DOCK1: variants seen among roughly 807,000 people sequenced by gnomAD.
The protein encoded by DOCK1 is dedicator of cytokinesis 1.
Under a neutral mutation model 262.7 loss-of-function variants are expected in DOCK1, and 138 were observed. The ratio of observed to expected loss-of-function variants is 0.53; its 90% CI spans 0.46 to 0.61. The LOEUF is 0.61. Ranked by LOEUF, DOCK1 falls within the 20% of genes least tolerant of loss-of-function variation. The pLI, the probability that DOCK1 is intolerant of heterozygous loss-of-function variation, is 0.00. For synonymous variants in DOCK1, 866 were observed against 867.4 expected, an observed-to-expected ratio of 1.00 and a Z score of 0.03; for missense variants, 1,908 against 2,370.7, an observed-to-expected ratio of 0.80 and a Z score of 4.05.
intron 24 of DOCK1, among the ~76,000 whole-genome samples, chr10:127,108,536 G>A (rs2048676515): frequency 6.6e-6 from 1 of 152,140 alleles, no homozygotes; most frequent in Non-Finnish European, 1.5e-5. Flanking sequence ...CAGTGAGCCT[G>A]GATCGCGGCA....
At chr10:127,398,325 C>T (rs1212081769) in intron 38 of DOCK1, among the ~76,000 whole-genome samples, 2 of 152,218 alleles carry the variant, frequency 1.3e-5, no homozygotes, top group Non-Finnish European at 2.9e-5. Context: ...CCATTCCTTG[C>T]AGCGTAGTTG....
At chr10:127,288,785 A>G (rs1032011847) in intron 29 of DOCK1, among the ~76,000 whole-genome samples, 16 of 150,092 alleles carry the variant, frequency 1.1e-4, no homozygotes, top group African/African-American at 3.9e-4. Flanking sequence ...ACACACACAC[A>G]CACACACACA....
At chr10:127,236,966 T>A (rs2134640782) in intron 27 of DOCK1, among the ~76,000 whole-genome samples, 1 of 152,338 alleles carries the variant, frequency 6.6e-6, no homozygotes, top group African/African-American at 2.4e-5. Flanking sequence ...AACGTACCCT[T>A]GGTCAAGTGA....
At chr10:127,210,495 A>G (rs1193379051) in intron 27 of DOCK1, among the ~76,000 whole-genome samples, 1 of 152,240 alleles carries the variant, frequency 6.6e-6, no homozygotes, top group African/African-American at 2.4e-5. Flanking sequence ...TCTCAGGCTG[A>G]GCCCGGGAAA....
chr10:127,058,015 A>G (rs1181244242), intron 22 of DOCK1, among the ~76,000 whole-genome samples: 2 of 152,110 alleles, frequency 1.3e-5, no homozygotes, highest in Non-Finnish European at 2.9e-5. Flanking sequence ...TTCAGGGTGG[A>G]TCAAAAAAGT....
intron 21 of DOCK1, among the ~76,000 whole-genome samples, chr10:127,050,725 TA>T (rs2044668879): frequency 6.6e-6 from 1 of 151,948 alleles, no homozygotes; most frequent in Admixed American, 6.6e-5. Flanking sequence ...AAAAAAGTTT[TA>T]TGCCCATTTA....
chr10:127,094,803 A>G (rs1443616313), intron 23 of DOCK1, among the ~76,000 whole-genome samples: 3 of 152,130 alleles, frequency 2.0e-5, no homozygotes, highest in African/African-American at 2.4e-5. Context: ...GACCCTTAAG[A>G]TACTGTGGAA....
intron 27 of DOCK1, among the ~76,000 whole-genome samples, chr10:127,226,690 G>A (rs2058654380): frequency 6.6e-6 from 1 of 152,168 alleles, no homozygotes; most frequent in South Asian, 2.1e-4. Context: ...GCTGCAGTGA[G>A]CCAAGATCGT....
chr10:127,105,966 T>C (rs1378224566), intron 23 of DOCK1, among the ~76,000 whole-genome samples: 1 of 152,104 alleles, frequency 6.6e-6, no homozygotes, highest in Admixed American at 6.6e-5. Flanking sequence ...AATTTCGCCA[T>C]GTTACCCAGG....
At chr10:127,308,667 T>C (rs1002406322) in intron 29 of DOCK1, among the ~76,000 whole-genome samples, 1 of 152,198 alleles carries the variant, frequency 6.6e-6, no homozygotes, top group Non-Finnish European at 1.5e-5. Context: ...CTCCCACTTA[T>C]GAGTGAGAAC....
chr10:127,143,393 C>T (rs1438191631), intron 27 of DOCK1, among the ~76,000 whole-genome samples: 3 of 152,198 alleles, frequency 2.0e-5, no homozygotes, highest in African/African-American at 4.8e-5. Context: ...CCAGTGCTAA[C>T]CGTGGCTCTG....
intron 33 of DOCK1, among the ~76,000 whole-genome samples, chr10:127,364,556 G>T (rs1419256060): frequency 6.6e-6 from 1 of 152,094 alleles, no homozygotes; most frequent in African/African-American, 2.4e-5. Context: ...AGTAGAGACG[G>T]TGTTTCACCA....
intron 3 of DOCK1, 126 bp from the exon 4 acceptor site, chr10:126,981,787 ATATGT>A: frequency 1.3e-6 from 1 of 797,880 alleles, no homozygotes; most frequent in Admixed American, 2.9e-5. Context: ...GTTTTCTTTG[ATATGT>A]TAAGACTTAA....
intron 47 of DOCK1, among the ~76,000 whole-genome samples, chr10:127,430,542 G>A (rs988273603): frequency 1.3e-5 from 2 of 152,076 alleles, no homozygotes; most frequent in East Asian, 1.9e-4. Context: ...TCTGAGGGCC[G>A]GCCAAGGTTC....
At position 127,153,795 on chromosome 10, in the gene DOCK1, G is replaced by T. The variant is rs892861908; in HGVS notation, c.2847+26031G>T. On this transcript the variant is annotated intron_variant, in intron 27 of 51. Coordinates refer to ENST00000623213, the MANE Select transcript of DOCK1 (RefSeq NM_001290223.2). ...CCCCAGATCGTTCTTGCATTTGTGG[G>T]TAAACATCATTTGTCACTCATAATA... The T allele has an allele frequency of 7.4e-6, 10 of 1,357,556 alleles. No homozygotes were observed. The South Asian group carries it at 1.1e-4, about 14-fold the overall frequency. 84.1% of individuals were successfully genotyped at this position (1,357,556 alleles called of 1,614,324 possible). A position where few individuals can be genotyped will look rare whatever the true frequency, so the allele number is the denominator to read the frequency against.
intron 29 of DOCK1, among the ~76,000 whole-genome samples, chr10:127,262,123 T>G (rs113804396): frequency 2.0e-5 from 3 of 149,198 alleles, no homozygotes; most frequent in African/African-American, 7.5e-5. Flanking sequence ...TGGGTGTGTG[T>G]GTGTGTACCC....
chr10:127,269,199 G>A lies in DOCK1; in HGVS notation c.3044+11770G>A, dbSNP rs976080554. Among the ~76,000 whole-genome samples, 14 of 152,154 alleles carry A rather than the reference G, an allele frequency of 9.2e-5. 1 individual carries two copies. Among genetic ancestry groups the A allele is most frequent in the East Asian group, 1.9e-4 (1 of 5,190 alleles). On this transcript the variant is annotated intron_variant, in intron 29 of 51. Coordinates refer to ENST00000623213, the MANE Select transcript of DOCK1 (RefSeq NM_001290223.2). Reference sequence around the variant, plus strand: ...GTTTTGGGGGAATAAATGAGAAAGCGCATGTGGGGTGCTTTGTTCAGAGCC... The same window carrying A: ...GTTTTGGGGGAATAAATGAGAAAGCACATGTGGGGTGCTTTGTTCAGAGCC...
chr10:127,023,124 A>C, intron 13 of DOCK1, 76 bp from the exon 14 acceptor site: 2 of 1,492,502 alleles, frequency 1.3e-6, no homozygotes, highest in Non-Finnish European at 1.8e-6. Context: ...GAGGATAGGT[A>C]GACAGTCTTG....
intron 29 of DOCK1, among the ~76,000 whole-genome samples, chr10:127,307,630 T>G (rs991745960): frequency 1.3e-5 from 2 of 152,198 alleles, no homozygotes; most frequent in African/African-American, 4.8e-5. Flanking sequence ...GGGTTTCCAG[T>G]CCTGCCCTGG....
Sources: gnomAD v4.1 joint callset for allele counts (sites outside exome capture counted in the v4.1 genomes callset) on GRCh38, gnomAD v4.1.1 for gene constraint, MANE v1.5 for transcripts, NCBI Gene and HGNC (gene_info 2026-07-23, HGNC 2026-07-21) for gene names.